Variants in GTF3C2 observed in about 807,000 individuals in gnomAD.
GTF3C2 encodes general transcription factor IIIC subunit 2.
GTF3C2 carries 17 observed loss-of-function variants against 117.4 expected under a neutral mutation model. That is an observed-to-expected ratio of 0.14 (90% CI 0.10 to 0.22). GTF3C2 has a LOEUF of 0.22. Among genes scored for constraint, GTF3C2 ranks in the 10% least tolerant of loss-of-function variants. The probability of loss-of-function intolerance (pLI) is 1.00; values close to 1 mark genes in which losing one functional copy is unlikely to be tolerated. For synonymous variants in GTF3C2, 437 were observed against 427.0 expected (o/e 1.02, Z -0.29); for missense variants, 888 against 1,143.6 (o/e 0.78, Z 3.22).
chr2:27,332,931 G>T (rs946266328), intron 12 of GTF3C2, among the ~76,000 whole-genome samples: 1 of 151,294 alleles, frequency 6.6e-6, no homozygotes, highest in African/African-American at 2.4e-5. Context: ...GGCCAGGATG[G>T]TCTCCATCTC....
chr2:27,336,678 G>A (rs371391961), intron 7 of GTF3C2: 6 of 430,592 alleles, frequency 1.4e-5, no homozygotes, highest in Admixed American at 3.9e-5. Context: ...CATGATCGAC[G>A]GTTCACTGCA....
intron 1 of GTF3C2, chr2:27,356,108 G>C (rs935200280): frequency 1.6e-6 from 2 of 1,289,032 alleles, no homozygotes; most frequent in African/African-American, 3.0e-5. Flanking sequence ...CTCCAACAAA[G>C]TGAGTTGCCT....
chr2:27,343,760 T>C (rs1293056503), intron 1 of GTF3C2, 182 bp from the exon 2 acceptor site: 1 of 552,272 alleles, frequency 1.8e-6, no homozygotes, highest in East Asian at 3.3e-5. Flanking sequence ...AAACTGGTAA[T>C]ATGAGCCAGG....
chr2:27,343,441 G>C, exon 2 of GTF3C2: 4 of 1,614,102 alleles, frequency 2.5e-6, no homozygotes, highest in Non-Finnish European at 3.4e-6. Context: ...TTTCTGAAGA[G>C]GTCTTGACAT....
chr2:27,343,764 A>G, intron 1 of GTF3C2, 186 bp from the exon 2 acceptor site: 1 of 543,856 alleles, frequency 1.8e-6, no homozygotes, highest in Non-Finnish European at 3.2e-6. Flanking sequence ...TGGTAATATG[A>G]GCCAGGTGCG....
At chr2:27,338,227 C>T (rs1167386751) in intron 4 of GTF3C2, 2 of 558,724 alleles carry the variant, frequency 3.6e-6, no homozygotes, top group Non-Finnish European at 6.4e-6. Flanking sequence ...AATGCAAAAT[C>T]TGTTACCTAT....
At chr2:27,339,409 C>CAAAAAAA (rs761860478) in intron 4 of GTF3C2, among the ~76,000 whole-genome samples, 1 of 46,820 alleles carries the variant, frequency 2.1e-5, no homozygotes, top group Non-Finnish European at 5.0e-5. Flanking sequence ...AACTCCGTCT[C>CAAAAAAA]AAAAAAAAAA....
chr2:27,354,041 A>C (rs1045481327), intron 1 of GTF3C2, among the ~76,000 whole-genome samples: 2 of 144,922 alleles, frequency 1.4e-5, no homozygotes, highest in African/African-American at 5.3e-5. Flanking sequence ...ATGTATAAAG[A>C]CAAAGCAAAA....
chr2:27,337,337 G>C (rs757242732), exon 7 of GTF3C2: 1 of 1,606,902 alleles, frequency 6.2e-7, no homozygotes, highest in Non-Finnish European at 8.5e-7. Context: ...GTAGGGAGCG[G>C]CCTCACTGGG....
chr2:27,355,533 A>G (rs1037045787), intron 1 of GTF3C2, among the ~76,000 whole-genome samples: 1 of 152,026 alleles, frequency 6.6e-6, no homozygotes, highest in Non-Finnish European at 1.5e-5. Context: ...AAAAAAAAAA[A>G]ATACACTTCT....
chr2:27,343,565 C>A lies in GTF3C2; in HGVS notation c.-11G>T, dbSNP rs771805452. On this transcript the variant is annotated 5_prime_UTR_variant, in exon 2 of 19. Coordinates refer to ENST00000264720, the Ensembl canonical transcript of GTF3C2. ...CCCGCAGGTATCCATCAGCACCCCCCAAAATGGCTGCCCCTGCATACAGAG... is the reference window on the plus strand; with the variant it reads ...CCCGCAGGTATCCATCAGCACCCCCAAAAATGGCTGCCCCTGCATACAGAG... 3 of 1,613,382 alleles carry A rather than the reference C, an allele frequency of 1.9e-6. No individual in the cohort carries two copies. In the African/African-American group the frequency reaches 4.0e-5, roughly 21 times the overall value.
Position 27,333,859 on chromosome 2 carries a change from T to G in GTF3C2, c.1603-75A>C. 4.0e-6 allele frequency: 6 copies of G among 1,482,236 alleles called. No homozygotes were observed. The South Asian group carries it at 6.8e-5, about 17-fold the overall frequency. The allele number at this position is 1,482,236 out of a possible 1,614,324, so 91.8% of individuals were successfully genotyped here. On this transcript the variant is annotated intron_variant, in intron 11 of 18. Transcript: ENST00000264720. ...TGGAACGAAAGCTCAAATCAGTGCT[T>G]AATCCAGCAGGATGAGGGTATTTTT... is the stretch of plus-strand genomic sequence containing the variant.
chr2:27,347,504 G>T (rs979225493), intron 1 of GTF3C2, among the ~76,000 whole-genome samples: 1 of 152,110 alleles, frequency 6.6e-6, no homozygotes, highest in African/African-American at 2.4e-5. Context: ...TTATTCCTGT[G>T]ATAAATAAGA....
chr2:27,337,427 T>C, intron 6 of GTF3C2, 54 bp downstream of exon 6: 3 of 1,464,048 alleles, frequency 2.0e-6, no homozygotes, highest in East Asian at 4.5e-5. Context: ...TGTCACCCTT[T>C]CGTCTCCAGT....
Position 27,329,634 on chromosome 2 carries a change from A to T in GTF3C2, c.1733-111T>A. On this transcript the variant is annotated intron_variant, in intron 12 of 18. Coordinates refer to ENST00000264720, the Ensembl canonical transcript of GTF3C2. The surrounding 1 kb of genome is among the most constrained non-coding windows in gnomAD (Gnocchi z 4.5). ...TGTCTTCTACCCTCAGATCCAAACC[A>T]CTATGAAAGGATGTGGGGATCCTGA... The T allele has an allele frequency of 1.0e-6, 1 of 981,690 alleles. No homozygotes were observed. Among genetic ancestry groups the T allele is most frequent in the Non-Finnish European group, 1.5e-6 (1 of 648,560 alleles). 60.8% of individuals were successfully genotyped at this position (981,690 alleles called of 1,614,324 possible). A position where few individuals can be genotyped will look rare whatever the true frequency, so the allele number is the denominator to read the frequency against.
chr2:27,341,916 T>A, intron 4 of GTF3C2, 32 bp downstream of exon 4: 3 of 1,584,402 alleles, frequency 1.9e-6, no homozygotes, highest in Non-Finnish European at 2.6e-6. Flanking sequence ...TCCTACTATG[T>A]CCCCATTCAC....
chr2:27,335,600 G>A (rs760640500), exon 10 of GTF3C2: 6 of 1,513,068 alleles, frequency 4.0e-6, no homozygotes, highest in Non-Finnish European at 5.4e-6. Flanking sequence ...CTACTCACCT[G>A]GGGGTTGCTG....
chr2:27,343,389 G>C (rs1680806770), exon 2 of GTF3C2: 3 of 1,613,912 alleles, frequency 1.9e-6, no homozygotes, highest in Non-Finnish European at 2.5e-6. Flanking sequence ...CCAGGCAAAG[G>C]GGTAGGTAAT....
rs374326972 is a variant in GTF3C2, at chr2:27,337,907, C to T, written c.950+19G>A. On this transcript the variant is annotated intron_variant, in intron 5 of 18. Transcript: ENST00000264720. Reference sequence around the variant, plus strand: ...TACCACCCCTTTATTAACCCCAGCCCCCTGTCCCCAAGTCTCACAAGTCCT... The same window carrying T: ...TACCACCCCTTTATTAACCCCAGCCTCCTGTCCCCAAGTCTCACAAGTCCT... 4 of 1,445,496 alleles carry T rather than the reference C, an allele frequency of 2.8e-6. No individual in the cohort carries two copies. The highest frequency in any genetic ancestry group is 1.4e-5 in the African/African-American group (1 of 71,826). The allele number at this position is 1,445,496 out of a possible 1,614,324, so 89.5% of individuals were successfully genotyped here.
Sources: allele counts gnomAD v4.1 joint callset (sites outside exome capture counted in the v4.1 genomes callset), GRCh38; gene constraint gnomAD v4.1.1; non-coding constraint Gnocchi (gnomAD v3.1); transcripts MANE v1.5; gene names NCBI Gene and HGNC (gene_info 2026-07-23, HGNC 2026-07-21).